PIEZO2: variants seen among roughly 807,000 people sequenced by gnomAD.
The protein encoded by PIEZO2 is piezo-type mechanosensitive ion channel component 2.
Under a neutral mutation model 337.3 loss-of-function variants are expected in PIEZO2, and 172 were observed. The observed-to-expected ratio is 0.51, with a 90% CI of 0.45 to 0.58. The LOEUF is 0.58. PIEZO2 is among the 20% of genes least tolerant of loss of function. The pLI, the probability that PIEZO2 is intolerant of heterozygous loss-of-function variation, is 0.00. For synonymous variants in PIEZO2, 1,251 were observed against 1,228.5 expected (o/e 1.02, Z -0.38); for missense variants, 3,028 against 3,391.3 (o/e 0.89, Z 2.66).
chr18:10,965,664 G>T (rs894112061), intron 3 of PIEZO2, among the ~76,000 whole-genome samples: 26 of 151,990 alleles, frequency 1.7e-4, no homozygotes, highest in African/African-American at 6.3e-4. Flanking sequence ...TTTATCCTAA[G>T]GAAATAAACA....
intron 2 of PIEZO2, among the ~76,000 whole-genome samples, chr18:10,998,612 A>G (rs1398047367): frequency 6.6e-6 from 1 of 152,116 alleles, no homozygotes; most frequent in Non-Finnish European, 1.5e-5. Flanking sequence ...TAACTCCAAA[A>G]TTATTTCCAA....
At chr18:10,684,700 A>G (rs928857674) in intron 49 of PIEZO2, among the ~76,000 whole-genome samples, 7 of 149,054 alleles carry the variant, frequency 4.7e-5, no homozygotes, top group Non-Finnish European at 8.9e-5. Context: ...TCCTGACTTC[A>G]AGTGATCCAC....
At chr18:11,134,143 G>A (rs1016141234) in intron 1 of PIEZO2, among the ~76,000 whole-genome samples, 7 of 152,166 alleles carry the variant, frequency 4.6e-5, no homozygotes, top group African/African-American at 1.7e-4. Context: ...AGAGAAATAT[G>A]AAACAGGAGG....
chr18:10,920,325 C>T (rs1361717549), intron 3 of PIEZO2, among the ~76,000 whole-genome samples: 13 of 152,156 alleles, frequency 8.5e-5, no homozygotes, highest in African/African-American at 2.9e-4. Flanking sequence ...CCAACCCCCA[C>T]AGCCCAGTGT....
In PIEZO2 at chr18:10,677,795, A is replaced by C. The variant is rs1285234924; in HGVS notation, c.8033T>G (p.Ile2678Ser). The change falls in exon 53 of 56, where the codon ATC becomes AGC. Residue 2678 changes from isoleucine to serine, a missense_variant. Transcript: ENST00000674853. The surrounding 1 kb of genome is among the most constrained non-coding windows in gnomAD (Gnocchi z 4.1). ...GCTGTTGCCTGCTATCATTTTAGCG[A>C]TATTCTTTCGAGTAATATTTTTAAG... Reference protein sequence around the residue: ...FPLKNITRKNIAKMIAGNSTE... With the variant: ...FPLKNITRKNSAKMIAGNSTE... 6.2e-7 allele frequency: 1 copy of C among 1,610,598 alleles called. No individual in the cohort carries two copies. The highest frequency in any genetic ancestry group is 8.5e-7 in the Non-Finnish European group (1 of 1,179,332).
Position 10,691,323 on chromosome 18 carries a change from C to T in PIEZO2, c.7251G>A (p.Gly2417=), listed in dbSNP as rs767255642. ...LWYFVKCVYF[G]LSAYQIRCGY... The stretch of plus-strand genomic sequence containing the variant: ...CACAACGGATCTGGTAAGCAGACAA[C>T]CCGAAGTAAACACATTTCACAAAGT... The change falls in exon 48 of 56, where the codon GGG becomes GGA. Residue 2417 remains glycine (G), a synonymous_variant. Transcript: ENST00000674853. The T allele has an allele frequency of 6.2e-7, 1 of 1,614,002 alleles. No homozygotes were observed. The highest frequency in any genetic ancestry group is 8.5e-7 in the Non-Finnish European group (1 of 1,179,964).
At position 11,016,338 on chromosome 18, in the gene PIEZO2, A is replaced by C. The variant is rs1037875213; in HGVS notation, c.161-36678T>G. On this transcript the variant is annotated intron_variant, in intron 2 of 55. Coordinates refer to ENST00000674853, the MANE Select transcript of PIEZO2 (RefSeq NM_001378183.1). This position sits in a 1 kb window ranked among gnomAD's most constrained non-coding sequence, Gnocchi z 5.6. ...GCGGTAGAGACGGTCAGAGCGAAAA[A>C]ACAGGCACAGAGCAAGGACACAAGG... 6.6e-6 allele frequency among the ~76,000 whole-genome samples: 1 copy of C among 152,200 alleles called. No individual in the cohort carries two copies. Among genetic ancestry groups the C allele is most frequent in the Admixed American group, 6.5e-5 (1 of 15,282 alleles).
intron 2 of PIEZO2, among the ~76,000 whole-genome samples, chr18:11,045,952 G>A (rs987469911): frequency 1.2e-4 from 19 of 152,140 alleles, no homozygotes; most frequent in African/African-American, 4.1e-4. Context: ...ATCTTTATGC[G>A]ATAGGTTGTC....
In PIEZO2 at chr18:10,696,399, G is replaced by T; in HGVS notation, c.6968C>A (p.Ala2323Asp). 1 of 1,614,196 alleles carries T rather than the reference G, an allele frequency of 6.2e-7. No individual in the cohort carries two copies. The highest frequency in any genetic ancestry group is 8.5e-7 in the Non-Finnish European group (1 of 1,180,040). Residue 2323 changes from alanine to aspartate, a missense_variant, in exon 46 of 56, where the codon GCC (alanine) becomes GAC (aspartate). By Grantham distance (126) the Ala-to-Asp change is moderately radical. This residue lies in a region of PIEZO2 where 1,925 missense variants were observed against 2,051.9 expected (regional missense o/e 0.94). Transcript: ENST00000674853. The part of the protein sequence containing the change: ...DFIIIVFGFW[A>D]FGKHSAAADI... ...GCCTTTGCCCCAACCTACCCCAAAG[G>T]CCCAAAAGCCGAAGACAATGATGAT...
chr18:10,996,962 T>G (rs1459693125), intron 2 of PIEZO2, among the ~76,000 whole-genome samples: 1 of 152,142 alleles, frequency 6.6e-6, no homozygotes, highest in Non-Finnish European at 1.5e-5. Flanking sequence ...AAAATCCTTA[T>G]GAGAAGAGAG....
intron 9 of PIEZO2, among the ~76,000 whole-genome samples, chr18:10,803,274 G>A (rs1298715857): frequency 2.6e-5 from 4 of 152,044 alleles, no homozygotes; most frequent in Non-Finnish European, 5.9e-5. Flanking sequence ...TATGCCATGA[G>A]TAAAAAGCAC....
At chr18:10,695,803 G>T (rs985805395) in intron 47 of PIEZO2, among the ~76,000 whole-genome samples, 6 of 152,162 alleles carry the variant, frequency 3.9e-5, no homozygotes. Context: ...GGTTTGTTCA[G>T]GTTATTAAGG....
Position 11,048,283 on chromosome 18 carries a change from G to A in PIEZO2, c.160+17844C>T, listed in dbSNP as rs1446360584. On this transcript the variant is annotated intron_variant, in intron 2 of 55. Coordinates refer to ENST00000674853, the MANE Select transcript of PIEZO2 (RefSeq NM_001378183.1). This position sits in a 1 kb window ranked among gnomAD's most constrained non-coding sequence, Gnocchi z 4.5. The stretch of plus-strand genomic sequence containing the variant: ...GAAAGGGAAGAGGGAAAGAAGAAAG[G>A]ACAAAATGGTGACCCACAAGATTGA... Among the ~76,000 whole-genome samples the A allele has an allele frequency of 1.3e-5, 2 of 152,142 alleles. No homozygotes were observed. Among genetic ancestry groups the A allele is most frequent in the African/African-American group, 4.8e-5 (2 of 41,430 alleles).
At chr18:10,690,688 CAG>C (rs1273267345) in intron 48 of PIEZO2, among the ~76,000 whole-genome samples, 1 of 152,166 alleles carries the variant, frequency 6.6e-6, no homozygotes, top group African/African-American at 2.4e-5. Context: ...TGCGAGAGAA[CAG>C]AGAGGAGATG....
At chr18:11,005,372 T>A (rs943495859) in intron 2 of PIEZO2, among the ~76,000 whole-genome samples, 2 of 152,234 alleles carry the variant, frequency 1.3e-5, no homozygotes, top group African/African-American at 4.8e-5. Context: ...TTGTCTTTTA[T>A]TTTTTTCCTT....
chr18:10,949,549 C>T (rs141492192), intron 3 of PIEZO2, among the ~76,000 whole-genome samples: 96 of 152,336 alleles, frequency 6.3e-4, no homozygotes, highest in Admixed American at 1.1e-3. Flanking sequence ...CATTCTGGCT[C>T]CCGGGTCCCA....
At chr18:10,865,952 C>A (rs2041995001) in intron 5 of PIEZO2, among the ~76,000 whole-genome samples, 1 of 152,044 alleles carries the variant, frequency 6.6e-6, no homozygotes, top group South Asian at 2.1e-4. Context: ...CATGAAATCA[C>A]CTATCAAATG....
intron 18 of PIEZO2, among the ~76,000 whole-genome samples, chr18:10,779,548 A>T (rs1277047848): frequency 1.3e-5 from 2 of 152,188 alleles, no homozygotes; most frequent in African/African-American, 4.8e-5. Flanking sequence ...GAAAGTCCAT[A>T]TCTCAGTGCC....
intron 15 of PIEZO2, among the ~76,000 whole-genome samples, chr18:10,787,444 C>T (rs1309075839): frequency 7.2e-5 from 11 of 152,160 alleles, no homozygotes; most frequent in South Asian, 2.1e-4. Context: ...TGCAGGGTTG[C>T]TACGAGGATG....
Sources: gnomAD v4.1 joint callset for allele counts (sites outside exome capture counted in the v4.1 genomes callset) on GRCh38, gnomAD v4.1.1 for gene constraint, gnomAD v4.1.1 regional missense constraint, Gnocchi (gnomAD v3.1) non-coding constraint, MANE v1.5 for transcripts, NCBI Gene and HGNC (gene_info 2026-07-23, HGNC 2026-07-21) for gene names.